The following ITGA3 variants were observed in gnomAD, a reference collection of about 807,000 sequenced individuals.
The protein encoded by ITGA3 is integrin alpha-3.
In ITGA3, 70 loss-of-function variants were observed where a neutral mutation model predicts 131.1. That is an observed-to-expected ratio of 0.53 (90% CI 0.44 to 0.65). The LOEUF (loss-of-function observed/expected upper bound fraction) is 0.65, where lower values mean the gene tolerates loss of function less well. ITGA3 is among the 30% of genes least tolerant of loss of function. ITGA3 has a pLI of 0.00. For synonymous variants in ITGA3, 537 were observed against 571.6 expected (o/e 0.94, Z 0.86); for missense variants, 1,098 against 1,388.6 (o/e 0.79, Z 3.33).
At position 50,089,156 on chromosome 17, in the gene ITGA3, A is replaced by G; in HGVS notation, c.*78A>G. ...CGCTATTATCAGATCATGCCCAAGT[A>G]CCACGCAGTGCGGATCCGGGAGGAG... On this transcript the variant is annotated 3_prime_UTR_variant, in exon 26 of 26. Transcript: ENST00000320031. The G allele has an allele frequency of 6.2e-7, 1 of 1,613,484 alleles. No homozygotes were observed. Among genetic ancestry groups the G allele is most frequent in the Non-Finnish European group, 8.5e-7 (1 of 1,179,644 alleles).
Position 50,064,090 on chromosome 17 carries a change from GC to G in ITGA3, c.226del (p.Arg76GlyfsTer31), listed in dbSNP as rs752236693. On this transcript the variant is annotated frameshift_variant, in exon 2 of 26. Coordinates refer to ENST00000320031, the MANE Select transcript of ITGA3 (RefSeq NM_002204.4). LOFTEE classifies it high-confidence loss of function. This position sits in a 1 kb window ranked among gnomAD's most constrained non-coding sequence, Gnocchi z 4.4. Reference protein sequence around the residue: ...RQQRYLLLAGAPRELAVPDGY... With the variant: ...RQQRYLLLAGXPRELAVPDGY... ...CCCTATCCCCAGGCTCCTGGCTGGT[GC>G]CCCCCGGGAGCTCGCTGTGCCCGAT... The G allele has an allele frequency of 6.2e-7, 1 of 1,612,646 alleles. No individual in the cohort carries two copies. Among genetic ancestry groups the G allele is most frequent in the Non-Finnish European group, 8.5e-7 (1 of 1,179,696 alleles).
chr17:50,075,762 A>T (rs745399169), intron 12 of ITGA3, 27 bp downstream of exon 12: 1 of 1,612,442 alleles, frequency 6.2e-7, no homozygotes, highest in Non-Finnish European at 8.5e-7. Context: ...GGTCAGGATG[A>T]GGGCTCCCAG....
Position 50,064,807 on chromosome 17 carries a change from A to AC in ITGA3, c.414+205dup, listed in dbSNP as rs1908256006. 2 of 523,304 alleles carry AC rather than the reference A, an allele frequency of 3.8e-6. No individual in the cohort carries two copies. Among genetic ancestry groups the AC allele is most frequent in the South Asian group, 2.6e-5 (1 of 38,998 alleles). The allele number at this position is 523,304 out of a possible 1,614,324, so 32.4% of individuals were successfully genotyped here. A position where few individuals can be genotyped will look rare whatever the true frequency, so the allele number is the denominator to read the frequency against. On this transcript the variant is annotated intron_variant, in intron 3 of 25. Transcript: ENST00000320031. This position sits in a 1 kb window ranked among gnomAD's most constrained non-coding sequence, Gnocchi z 4.4. The stretch of plus-strand genomic sequence containing the variant: ...GGGTGAGTATCCTGTGCTCTCCCAA[A>AC]CCCCCGCACGGCCTGAGTTCTCTGA...
intron 3 of ITGA3, among the ~76,000 whole-genome samples, chr17:50,066,897 G>T (rs1042464100): frequency 2.6e-5 from 4 of 152,140 alleles, no homozygotes; most frequent in African/African-American, 9.7e-5. Flanking sequence ...CACTCCAGAA[G>T]GTGCCCTTGT....
rs1166311495 is a variant in ITGA3, at chr17:50,056,449, G to T, written c.10G>T (p.Gly4Cys). 2 of 1,530,574 alleles carry T rather than the reference G, an allele frequency of 1.3e-6. No individual in the cohort carries two copies. Among genetic ancestry groups the T allele is most frequent in the African/African-American group, 1.4e-5 (1 of 71,052 alleles). The allele number at this position is 1,530,574 out of a possible 1,614,324, so 94.8% of individuals were successfully genotyped here. ...GCTTCCGCTGGCAGCCATGGGCCCC[G>T]GCCCCAGCCGCGCGCCCCGCGCCCC... MGP[G>C]PSRAPRAPRL... The change falls in exon 1 of 26, where the codon GGC (glycine) becomes TGC (cysteine). Residue 4 changes from glycine (G) to cysteine (C), a missense_variant. Transcript: ENST00000320031. This position sits in a 1 kb window ranked among gnomAD's most constrained non-coding sequence, Gnocchi z 5.6.
chr17:50,087,870 G>T lies in ITGA3; in HGVS notation c.3045+1G>T. 3 of 1,579,102 alleles carry T rather than the reference G, an allele frequency of 1.9e-6. No homozygotes were observed. Among genetic ancestry groups the T allele is most frequent in the South Asian group, 1.1e-5 (1 of 87,694 alleles). On this transcript the variant is annotated splice_donor_variant, in intron 24 of 25. Transcript: ENST00000320031. LOFTEE classifies it high-confidence loss of function. ...GCTGATCATCCTCCTGCTGTGGAAG[G>T]TTAGTAGCCCAGCCCACTCCTGCTC...
chr17:50,064,217 G>A lies in ITGA3; in HGVS notation c.334+13G>A, dbSNP rs1477060406. The A allele has an allele frequency of 6.3e-7, 1 of 1,599,840 alleles. No individual in the cohort carries two copies. The highest frequency in any genetic ancestry group is 8.5e-7 in the Non-Finnish European group (1 of 1,174,162). The stretch of plus-strand genomic sequence containing the variant: ...ATCACAGTGAAAAGTGAGGGGAAGG[G>A]GCTGGGGAGGGGTGCTGGGTCAGAG... On this transcript the variant is annotated intron_variant, in intron 2 of 25. Coordinates refer to ENST00000320031, the MANE Select transcript of ITGA3 (RefSeq NM_002204.4). This position sits in a 1 kb window ranked among gnomAD's most constrained non-coding sequence, Gnocchi z 4.4.
rs1420236492 is a variant in ITGA3, at chr17:50,089,119, T to C, written c.*41T>C. ...CTCCCTCCAACTCCAGTGTGACTTC[T>C]TTAAGCGGACCCGCTATTATCAGAT... On this transcript the variant is annotated 3_prime_UTR_variant, in exon 26 of 26. Coordinates refer to ENST00000320031, the MANE Select transcript of ITGA3 (RefSeq NM_002204.4). 1.2e-6 allele frequency: 2 copies of C among 1,613,054 alleles called. No homozygotes were observed. Among genetic ancestry groups the C allele is most frequent in the Non-Finnish European group, 1.7e-6 (2 of 1,179,536 alleles).
chr17:50,089,338 A>G lies in ITGA3; in HGVS notation c.*260A>G. ...CTATTTATCATAAGTTATGCCTCTG[A>G]CAGTCCACAGGGGCCACCACCTTTG... On this transcript the variant is annotated 3_prime_UTR_variant, in exon 26 of 26. Coordinates refer to ENST00000320031, the MANE Select transcript of ITGA3 (RefSeq NM_002204.4). 1 of 1,363,234 alleles carries G rather than the reference A, an allele frequency of 7.3e-7. No homozygotes were observed. The highest frequency in any genetic ancestry group is 1.0e-6 in the Non-Finnish European group (1 of 982,014). 84.4% of individuals were successfully genotyped at this position (1,363,234 alleles called of 1,614,324 possible).
At chr17:50,062,553 G>A (rs1908138836) in intron 1 of ITGA3, among the ~76,000 whole-genome samples, 1 of 152,210 alleles carries the variant, frequency 6.6e-6, no homozygotes, top group African/African-American at 2.4e-5. Context: ...CACTTCCCCA[G>A]GGTGAGGTCT....
chr17:50,084,832 T>C (rs1909318719), intron 23 of ITGA3, among the ~76,000 whole-genome samples: 1 of 152,142 alleles, frequency 6.6e-6, no homozygotes. Context: ...GGAGAATCAC[T>C]TGAGCCCAGG....
chr17:50,082,836 TG>T (rs1460700254), intron 23 of ITGA3, among the ~76,000 whole-genome samples: 3 of 151,472 alleles, frequency 2.0e-5, no homozygotes, highest in Non-Finnish European at 4.4e-5. Flanking sequence ...AAGTCAATAT[TG>T]TATTATCAAG....
intron 24 of ITGA3, among the ~76,000 whole-genome samples, 157 bp downstream of exon 24, chr17:50,088,026 C>T (rs953448464): frequency 6.6e-6 from 1 of 152,120 alleles, no homozygotes; most frequent in African/African-American, 2.4e-5. Context: ...TACAGTCTCA[C>T]CCCTGGCCTG....
At chr17:50,060,706 G>A (rs1262783370) in intron 1 of ITGA3, among the ~76,000 whole-genome samples, 1 of 152,028 alleles carries the variant, frequency 6.6e-6, no homozygotes, top group Non-Finnish European at 1.5e-5. Flanking sequence ...TCCAGGAGAG[G>A]GGCAGTCCCA....
At chr17:50,084,230 CAAAAAAAAAAAAAA>C (rs61103198) in intron 23 of ITGA3, among the ~76,000 whole-genome samples, 1 of 26,990 alleles carries the variant, frequency 3.7e-5, no homozygotes, top group African/African-American at 1.2e-4. Context: ...GACTCTGTCT[CAAAAAAAAAAAAAA>C]AAAAAAAAAA....
intron 23 of ITGA3, among the ~76,000 whole-genome samples, chr17:50,082,281 C>G (rs935957471): frequency 3.3e-5 from 5 of 152,170 alleles, no homozygotes; most frequent in African/African-American, 1.2e-4. Flanking sequence ...CTGGTTCATG[C>G]CATTCTCCTG....
intron 1 of ITGA3, among the ~76,000 whole-genome samples, chr17:50,057,211 C>T (rs1156322505): frequency 6.6e-6 from 1 of 152,164 alleles, no homozygotes. Context: ...CCTCTGACGC[C>T]TTGAGGATAG....
chr17:50,089,009 C>T, intron 25 of ITGA3, 101 bp from the exon 26 acceptor site: 1 of 873,202 alleles, frequency 1.1e-6, no homozygotes, highest in Middle Eastern at 2.3e-4. Context: ...AGAGTTCTGG[C>T]TTTGAGGAGT....
chr17:50,082,458 T>C (rs928487088), intron 23 of ITGA3, among the ~76,000 whole-genome samples: 1 of 152,134 alleles, frequency 6.6e-6, no homozygotes, highest in Non-Finnish European at 1.5e-5. Flanking sequence ...ATTACAGGCA[T>C]GAGCCACTGT....
Sources: gnomAD v4.1 joint callset for allele counts (sites outside exome capture counted in the v4.1 genomes callset) on GRCh38, gnomAD v4.1.1 for gene constraint, Gnocchi (gnomAD v3.1) non-coding constraint, MANE v1.5 for transcripts, NCBI Gene and HGNC (gene_info 2026-07-23, HGNC 2026-07-21) for gene names.